ING5: variants seen among roughly 807,000 people sequenced by gnomAD.
ING5 encodes the protein inhibitor of growth protein 5.
ING5 carries 17 observed loss-of-function variants against 37.4 expected under a neutral mutation model. That is an observed-to-expected ratio of 0.45 (90% CI 0.31 to 0.68). The LOEUF (loss-of-function observed/expected upper bound fraction) is 0.68. ING5 is among the 30% of genes least tolerant of loss of function. The pLI, the probability that ING5 is intolerant of heterozygous loss-of-function variation, is 0.05. For missense variants in ING5, 233 were observed against 311.9 expected, an observed-to-expected ratio of 0.75 and a Z score of 1.91; for synonymous variants, 123 against 116.6, an observed-to-expected ratio of 1.06 and a Z score of -0.36.
At chr2:241,709,900 C>G (rs919656183) in intron 3 of ING5, among the ~76,000 whole-genome samples, 13 of 151,982 alleles carry the variant, frequency 8.6e-5, no homozygotes, top group African/African-American at 3.1e-4. Flanking sequence ...AGCCACCGTG[C>G]CCGACCTCCA....
upstream of ING5, chr2:241,702,007 C>G: frequency 7.9e-7 from 1 of 1,266,436 alleles, no homozygotes; most frequent in African/African-American, 1.6e-5. Context: ...CACCGCCCCG[C>G]CCCCGCCTCC....
At chr2:241,712,094 T>C in intron 5 of ING5, 23 bp downstream of exon 5, 2 of 1,550,204 alleles carry the variant, frequency 1.3e-6, no homozygotes, top group African/African-American at 1.4e-5. Flanking sequence ...CCCCTCTTTT[T>C]CCCAAAAGAA....
intron 5 of ING5, chr2:241,719,546 C>G: frequency 2.0e-6 from 3 of 1,535,986 alleles, no homozygotes; most frequent in East Asian, 4.9e-5. Flanking sequence ...CTGTCCCGAC[C>G]GTGCCTTTTC....
exon 1 of ING5, chr2:241,687,376 GA>G: frequency 2.5e-6 from 1 of 398,928 alleles, no homozygotes; most frequent in Non-Finnish European, 4.4e-6. Flanking sequence ...CTGCGTTCTG[GA>G]AACGCTGTGT....
At chr2:241,709,528 G>C (rs2070038056) in intron 3 of ING5, 146 bp downstream of exon 3, 1 of 663,314 alleles carries the variant, frequency 1.5e-6, no homozygotes, top group South Asian at 1.9e-5. Flanking sequence ...AGTGCAGACG[G>C]AATACACTTC....
At chr2:241,702,011 C>A (rs2124870922), upstream of ING5, 3 of 1,294,422 alleles carry the variant, frequency 2.3e-6, no homozygotes, top group Middle Eastern at 2.1e-4. Flanking sequence ...GCCCCGCCCC[C>A]GCCTCCCGCG....
intron 2 of ING5, among the ~76,000 whole-genome samples, chr2:241,693,218 G>A (rs1451859594): frequency 7.2e-6 from 1 of 138,512 alleles, no homozygotes; most frequent in Non-Finnish European, 1.5e-5. Flanking sequence ...TCGCCCTATT[G>A]CACTCCAGCC....
exon 1 of ING5, chr2:241,687,722 T>A (rs1374955411): frequency 5.9e-6 from 1 of 170,462 alleles, no homozygotes; most frequent in African/African-American, 2.4e-5. Context: ...AGAGACGGGG[T>A]TTCACCGTGT....
At chr2:241,705,219 T>C (rs1441367648) in intron 2 of ING5, among the ~76,000 whole-genome samples, 4 of 148,604 alleles carry the variant, frequency 2.7e-5, no homozygotes, top group South Asian at 4.3e-4. Flanking sequence ...GGACTACAGG[T>C]GCCCGCCACC....
chr2:241,707,377 G>A (rs1304330438), intron 2 of ING5, among the ~76,000 whole-genome samples: 3 of 151,662 alleles, frequency 2.0e-5, no homozygotes, highest in East Asian at 1.9e-4. Flanking sequence ...CGCAACCTCC[G>A]CCTCCCGGGT....
chr2:241,709,258 C>T lies in ING5; in HGVS notation c.152C>T (p.Ser51Phe), dbSNP rs148805882. 3.3e-4 allele frequency: 538 copies of T among 1,614,008 alleles called. No homozygotes were observed. The highest frequency in any genetic ancestry group is 8.2e-4 in the Middle Eastern group (5 of 6,062). ...GACATCCTGGCTGCAGAGTACATCT[C>T]CACGGTGAAGACGCTGTCTCCAGAC... ...EIDILAAEYISTVKTLSPDQR... is the reference protein window; with the variant it reads ...EIDILAAEYIFTVKTLSPDQR... Residue 51 changes from serine (S) to phenylalanine (F), a missense_variant, in exon 3 of 8, where the codon TCC becomes TTC. Around this residue, in one of 4 missense-constraint regions of ING5, gnomAD observed 93 missense variants for 99.7 expected, o/e 0.93. Coordinates refer to ENST00000313552, the MANE Select transcript of ING5 (RefSeq NM_032329.6).
chr2:241,697,109 C>A (rs1559295795), upstream of ING5, among the ~76,000 whole-genome samples: 1 of 149,726 alleles, frequency 6.7e-6, no homozygotes, highest in Admixed American at 6.7e-5. Context: ...ATATAATAAT[C>A]AAAAATTGGA....
In ING5 at chr2:241,728,795, G is replaced by C. The variant is rs1246086500; in HGVS notation, c.*3764G>C. On this transcript the variant is annotated 3_prime_UTR_variant, in exon 8 of 8. Coordinates refer to ENST00000313552, the MANE Select transcript of ING5 (RefSeq NM_032329.6). The stretch of plus-strand genomic sequence containing the variant: ...CAGCTGACCGCCCGTCTCACTGTTG[G>C]CCAGGGCTTTGTGGCGTGGGTGTTT... 6.6e-6 allele frequency: 1 copy of C among 152,358 alleles called. No individual in the cohort carries two copies. The highest frequency in any genetic ancestry group is 1.5e-5 in the Non-Finnish European group (1 of 68,126). The allele number at this position is 152,358 out of a possible 1,614,324, so 9.4% of individuals were successfully genotyped here.
At chr2:241,690,807 T>G (rs1216215902) in intron 2 of ING5, among the ~76,000 whole-genome samples, 2 of 151,784 alleles carry the variant, frequency 1.3e-5, no homozygotes, top group African/African-American at 4.8e-5. Flanking sequence ...TGCTTGCTTT[T>G]TTTTTTTTTC....
At chr2:241,690,786 A>G (rs574768138) in intron 2 of ING5, 13 of 392,054 alleles carry the variant, frequency 3.3e-5, no homozygotes, top group East Asian at 2.2e-4. Context: ...TCGTGGGTTC[A>G]TTAGGTTCTC....
At position 241,725,288 on chromosome 2, in the gene ING5, G is replaced by A. The variant is rs934009038; in HGVS notation, c.*257G>A. Reference sequence around the variant, plus strand: ...CCCGAGCATCAGCAGGGACCCCGGCGGACGTGGGCGGGCGCGCGTGAGCTC... The same window carrying A: ...CCCGAGCATCAGCAGGGACCCCGGCAGACGTGGGCGGGCGCGCGTGAGCTC... On this transcript the variant is annotated 3_prime_UTR_variant, in exon 8 of 8. Coordinates refer to ENST00000313552, the MANE Select transcript of ING5 (RefSeq NM_032329.6). 73 of 508,440 alleles carry A rather than the reference G, an allele frequency of 1.4e-4. No homozygotes were observed. The highest frequency in any genetic ancestry group is 2.3e-4 in the Non-Finnish European group (63 of 279,646). 31.5% of individuals were successfully genotyped at this position (508,440 alleles called of 1,614,324 possible).
At chr2:241,701,540 G>C (rs1243099352), upstream of ING5, among the ~76,000 whole-genome samples, 2 of 151,736 alleles carry the variant, frequency 1.3e-5, no homozygotes, top group Non-Finnish European at 2.9e-5. Flanking sequence ...GCCGGCCCTC[G>C]GCTCAGGCCG....
At chr2:241,714,853 C>T (rs1221078494) in intron 5 of ING5, among the ~76,000 whole-genome samples, 1 of 152,208 alleles carries the variant, frequency 6.6e-6, no homozygotes, top group Non-Finnish European at 1.5e-5. Flanking sequence ...GCCTCAACCT[C>T]TCCGTGTGTT....
chr2:241,700,547 C>G (rs527614762), upstream of ING5, among the ~76,000 whole-genome samples: 3 of 152,144 alleles, frequency 2.0e-5, no homozygotes, highest in Admixed American at 2.0e-4. Flanking sequence ...CCTCCGCCTC[C>G]CAAGCTCAAG....
Sources: allele counts gnomAD v4.1 joint callset (sites outside exome capture counted in the v4.1 genomes callset), GRCh38; gene constraint gnomAD v4.1.1; regional missense constraint gnomAD v4.1.1; transcripts MANE v1.5; gene names NCBI Gene and HGNC (gene_info 2026-07-23, HGNC 2026-07-21).